DCBLD2: variants seen among roughly 807,000 people sequenced by gnomAD.
DCBLD2 encodes discoidin, CUB and LCCL domain-containing protein 2.
DCBLD2 carries 54 observed loss-of-function variants against 86.8 expected under a neutral mutation model. The ratio of observed to expected loss-of-function variants is 0.62; its 90% confidence interval spans 0.50 to 0.78. DCBLD2 has a LOEUF of 0.78. DCBLD2 is among the 30% of genes least tolerant of loss of function. The pLI, the probability that DCBLD2 is intolerant of heterozygous loss-of-function variation, is 0.00. For missense variants in DCBLD2, 908 were observed against 954.2 expected (o/e 0.95, Z 0.64); for synonymous variants, 354 against 341.3 (o/e 1.04, Z -0.41).
At chr3:98,881,974 C>A (rs903597667) in intron 1 of DCBLD2, among the ~76,000 whole-genome samples, 4 of 152,000 alleles carry the variant, frequency 2.6e-5, no homozygotes, top group African/African-American at 9.7e-5. Flanking sequence ...GTATAGTGAT[C>A]AGATCAGGGC....
intron 2 of DCBLD2, among the ~76,000 whole-genome samples, chr3:98,862,686 A>G (rs899872921): frequency 6.6e-6 from 1 of 152,106 alleles, no homozygotes; most frequent in African/African-American, 2.4e-5. Flanking sequence ...TATCCTAAAA[A>G]CTCTCAATAA....
intron 2 of DCBLD2, among the ~76,000 whole-genome samples, chr3:98,861,946 T>C (rs1943052426): frequency 6.6e-6 from 1 of 152,020 alleles, no homozygotes; most frequent in Admixed American, 6.6e-5. Context: ...AGATGGTTTT[T>C]TGAAAAGATC....
chr3:98,878,126 T>C (rs1559797211), intron 2 of DCBLD2, among the ~76,000 whole-genome samples: 1 of 152,134 alleles, frequency 6.6e-6, no homozygotes, highest in Non-Finnish European at 1.5e-5. Flanking sequence ...GTTTGATGAG[T>C]AACAGGATAT....
Position 98,879,298 on chromosome 3 carries a change from A to G in DCBLD2, c.433+2242T>C, listed in dbSNP as rs139020921. ...AACTTGAGAATGTCTCTAACAAATT[A>G]GAACTTAAAAATAATTTTAACATTA... is the stretch of plus-strand genomic sequence containing the variant. On this transcript the variant is annotated intron_variant, in intron 2 of 15. Coordinates refer to ENST00000326840, the MANE Select transcript of DCBLD2 (RefSeq NM_080927.4). Among the ~76,000 whole-genome samples, 817 of 152,322 alleles carry G rather than the reference A, an allele frequency of 5.4e-3. 7 individuals carry two copies. The highest frequency in any genetic ancestry group is 0.019 in the African/African-American group (773 of 41,566).
Position 98,799,805 on chromosome 3 carries a change from G to A in DCBLD2, c.1895C>T (p.Thr632Ile), listed in dbSNP as rs1445451821. Residue 632 changes from threonine (T) to isoleucine (I), a missense_variant, in exon 16 of 16, where the codon ACA (threonine) becomes ATA (isoleucine). Transcript: ENST00000326840. ...TTTAAAGGTAGATCTTTGATGAAGTGTACCAACAATTCCTCCTACCAGTGG... is the reference window on the plus strand; with the variant it reads ...TTTAAAGGTAGATCTTTGATGAAGTATACCAACAATTCCTCCTACCAGTGG... The part of the protein sequence containing the change: ...AQPLVGGIVG[T>I]LHQRSTFKPE... The A allele has an allele frequency of 1.5e-5, 25 of 1,613,330 alleles. No homozygotes were observed. The highest frequency in any genetic ancestry group is 2.0e-5 in the Non-Finnish European group (24 of 1,179,554).
chr3:98,894,657 A>G (rs545958717), intron 1 of DCBLD2, among the ~76,000 whole-genome samples: 2 of 152,120 alleles, frequency 1.3e-5, no homozygotes, highest in Non-Finnish European at 2.9e-5. Context: ...GCAAACAGGT[A>G]GTAAGGGTCA....
At chr3:98,859,541 AT>A (rs907323839) in intron 2 of DCBLD2, among the ~76,000 whole-genome samples, 2 of 152,180 alleles carry the variant, frequency 1.3e-5, no homozygotes, top group Admixed American at 6.5e-5. Flanking sequence ...CAGAGGAATG[AT>A]CAGGCAGCAA....
chr3:98,830,511 T>C (rs1559777194), intron 3 of DCBLD2, among the ~76,000 whole-genome samples: 1 of 152,264 alleles, frequency 6.6e-6, no homozygotes, highest in South Asian at 2.1e-4. Context: ...CTACATTGTT[T>C]ATTTTTGTTA....
intron 2 of DCBLD2, among the ~76,000 whole-genome samples, chr3:98,873,682 G>A (rs1240459014): frequency 6.6e-6 from 1 of 151,356 alleles, no homozygotes; most frequent in African/African-American, 2.4e-5. Flanking sequence ...AAGAAAAAGT[G>A]AATTAAATGC....
intron 3 of DCBLD2, among the ~76,000 whole-genome samples, chr3:98,829,598 C>T (rs1371489408): frequency 6.6e-6 from 1 of 152,186 alleles, no homozygotes; most frequent in Non-Finnish European, 1.5e-5. Flanking sequence ...AGGGCATAAT[C>T]TCATTCTTTT....
intron 13 of DCBLD2, among the ~76,000 whole-genome samples, chr3:98,802,332 T>C (rs969265834): frequency 3.3e-5 from 5 of 152,208 alleles, no homozygotes; most frequent in Admixed American, 6.5e-5. Context: ...TTTCATGTGT[T>C]TGTTGGCTGC....
rs1251731821 is a variant in DCBLD2, at chr3:98,851,435, TA to T, written c.434-1838del. Among the ~76,000 whole-genome samples the T allele has an allele frequency of 3.3e-5, 5 of 152,082 alleles. No individual in the cohort carries two copies. In the East Asian group the frequency reaches 9.7e-4, roughly 29 times the overall value. On this transcript the variant is annotated intron_variant, in intron 2 of 15. Transcript: ENST00000326840. Reference sequence around the variant, plus strand: ...AACTACAAAGCACTGCTCAAGGAAATAAGAGCGGATACAAATGGAAAAACAT... The same window carrying T: ...AACTACAAAGCACTGCTCAAGGAAATAGAGCGGATACAAATGGAAAAACAT...
chr3:98,857,005 G>C (rs1473217758), intron 2 of DCBLD2, among the ~76,000 whole-genome samples: 1 of 152,196 alleles, frequency 6.6e-6, no homozygotes, highest in Non-Finnish European at 1.5e-5. Flanking sequence ...CGAAGCCGCA[G>C]ACCCTCGCAG....
At chr3:98,844,578 G>A (rs960669446) in intron 3 of DCBLD2, among the ~76,000 whole-genome samples, 1 of 152,060 alleles carries the variant, frequency 6.6e-6, no homozygotes, top group African/African-American at 2.4e-5. Flanking sequence ...GGCCAGGCTT[G>A]TCTCGAACTA....
chr3:98,856,755 AG>A (rs1336160317), intron 2 of DCBLD2, among the ~76,000 whole-genome samples: 3 of 152,182 alleles, frequency 2.0e-5, no homozygotes, highest in African/African-American at 7.2e-5. Context: ...AAAAGACAAA[AG>A]TATACCAAAA....
intron 3 of DCBLD2, among the ~76,000 whole-genome samples, chr3:98,833,595 T>C (rs1168294562): frequency 2.0e-5 from 3 of 152,182 alleles, no homozygotes; most frequent in Non-Finnish European, 4.4e-5. Context: ...CTGCCTCTAA[T>C]TGAAGTGGTC....
At chr3:98,876,939 C>T (rs570107620) in intron 2 of DCBLD2, among the ~76,000 whole-genome samples, 56 of 151,892 alleles carry the variant, frequency 3.7e-4, no homozygotes, top group African/African-American at 1.3e-3. Context: ...TGTTAAAGTT[C>T]GTATAAGAAA....
intron 5 of DCBLD2, 145 bp downstream of exon 5, chr3:98,822,524 G>T (rs1057047094): frequency 8.8e-6 from 11 of 1,246,420 alleles, no homozygotes; most frequent in Non-Finnish European, 1.2e-5. Flanking sequence ...TTTAGCAGAA[G>T]AAAAAGAATA....
At chr3:98,870,204 C>T (rs898904353) in intron 2 of DCBLD2, among the ~76,000 whole-genome samples, 2 of 152,122 alleles carry the variant, frequency 1.3e-5, no homozygotes, top group African/African-American at 4.8e-5. Context: ...GTGTCCTTTC[C>T]CCCATTGTAT....
Sources: allele counts gnomAD v4.1 joint callset (sites outside exome capture counted in the v4.1 genomes callset), GRCh38; gene constraint gnomAD v4.1.1; transcripts MANE v1.5; gene names NCBI Gene and HGNC (gene_info 2026-07-23, HGNC 2026-07-21).